Variants in LRRC7 observed in about 807,000 individuals in gnomAD.
LRRC7 encodes the protein leucine rich repeat containing 7.
Under a neutral mutation model 175.7 loss-of-function variants are expected in LRRC7, and 23 were observed. That is an observed-to-expected ratio of 0.13 (90% CI 0.09 to 0.19). LRRC7 has a LOEUF of 0.19. Ranked by LOEUF, LRRC7 falls within the 10% of genes least tolerant of loss-of-function variation. LRRC7 has a pLI of 1.00. For synonymous variants in LRRC7, 685 were observed against 680.9 expected (o/e 1.01, Z -0.09); for missense variants, 1,354 against 1,904.7 (o/e 0.71, Z 5.38).
intron 13 of LRRC7, chr1:70,014,242 T>G (rs957515671): frequency 6.6e-6 from 1 of 151,996 alleles, no homozygotes; most frequent in Non-Finnish European, 1.5e-5. Context: ...GATTAGGAAA[T>G]TCTTGGTATT....
chr1:69,754,027 G>A (rs1218760737), intron 2 of LRRC7, among the ~76,000 whole-genome samples: 1 of 152,030 alleles, frequency 6.6e-6, no homozygotes, highest in Non-Finnish European at 1.5e-5. Context: ...AGCCATAAGT[G>A]TAAAGAGCAC....
At chr1:69,664,220 T>C (rs1290135772) in intron 1 of LRRC7, among the ~76,000 whole-genome samples, 1 of 152,236 alleles carries the variant, frequency 6.6e-6, no homozygotes, top group Non-Finnish European at 1.5e-5. Flanking sequence ...AACACTTAGG[T>C]TGTTTGCAAA....
In LRRC7 at chr1:69,665,684, C is replaced by G. The variant is rs558079097; in HGVS notation, c.3-12697C>G. Among the ~76,000 whole-genome samples, 6 of 151,676 alleles carry G rather than the reference C, an allele frequency of 4.0e-5. No homozygotes were observed. The East Asian group carries it at 7.8e-4, about 20-fold the overall frequency. On this transcript the variant is annotated intron_variant, in intron 1 of 26. Transcript: ENST00000651989. ...TGTATGTTGATTTTGTATCCTACAA[C>G]TTTACTGAATTTGTTTATAAGTTCT... is the stretch of plus-strand genomic sequence containing the variant.
At chr1:70,072,454 C>T (rs1257777515) in intron 23 of LRRC7, among the ~76,000 whole-genome samples, 1 of 152,156 alleles carries the variant, frequency 6.6e-6, no homozygotes, top group Non-Finnish European at 1.5e-5. Context: ...ATTATTGTCC[C>T]TCTAGATGTC....
chr1:69,826,271 G>C (rs1203832546), intron 5 of LRRC7, among the ~76,000 whole-genome samples: 1 of 152,116 alleles, frequency 6.6e-6, no homozygotes, highest in Non-Finnish European at 1.5e-5. Context: ...GAAAGTACTT[G>C]TATACCAGAG....
chr1:69,574,060 A>G (rs1387722979), intron 1 of LRRC7, among the ~76,000 whole-genome samples: 2 of 152,168 alleles, frequency 1.3e-5, no homozygotes, highest in African/African-American at 4.8e-5. Context: ...TAGTATCATA[A>G]CAAATGGCTT....
At position 69,903,928 on chromosome 1, in the gene LRRC7, C is replaced by T. The variant is rs139787946; in HGVS notation, c.648-27579C>T. Among the ~76,000 whole-genome samples, 172 of 152,190 alleles carry T rather than the reference C, an allele frequency of 1.1e-3. 5 individuals are homozygous for T. In the East Asian group the frequency reaches 0.031, roughly 27 times the overall value. ...GAAGAAATGGATAAATTCCTGGATA[C>T]GTACACCCTCCCAAGACTAAACCAG... is the stretch of plus-strand genomic sequence containing the variant. On this transcript the variant is annotated intron_variant, in intron 7 of 26. Transcript: ENST00000651989.
At chr1:69,929,267 A>G (rs564220574) in intron 7 of LRRC7, among the ~76,000 whole-genome samples, 79 of 152,190 alleles carry the variant, frequency 5.2e-4, no homozygotes, top group Non-Finnish European at 9.4e-4. Flanking sequence ...TCTTTCCTAG[A>G]CTCTTTTCTT....
intron 23 of LRRC7, among the ~76,000 whole-genome samples, chr1:70,065,694 T>C (rs1661921315): frequency 6.6e-6 from 1 of 151,916 alleles, no homozygotes; most frequent in African/African-American, 2.4e-5. Context: ...AAAACAAAGA[T>C]GAATCACAGC....
chr1:69,856,782 A>G (rs1214300031), intron 7 of LRRC7, among the ~76,000 whole-genome samples: 4 of 152,212 alleles, frequency 2.6e-5, no homozygotes, highest in African/African-American at 9.6e-5. Context: ...CATCATCCTG[A>G]TACCAAAGCC....
In LRRC7 at chr1:69,980,401, A is replaced by C. The variant is rs1653301426; in HGVS notation, c.734A>C (p.Gln245Pro). Reference sequence around the variant, plus strand: ...CAGCCTGAAGTTCTGGATCAAATACAAAATTTGAGGGAGTTATGGATGGAT... The same window carrying C: ...CAGCCTGAAGTTCTGGATCAAATACCAAATTTGAGGGAGTTATGGATGGAT... ...GELPEVLDQI[Q>P]NLRELWMDNN... The change falls in exon 9 of 27, where the codon CAA (glutamine) becomes CCA (proline). Residue 245 changes from glutamine to proline, a missense_variant. This residue lies in a region of LRRC7 where 201 missense variants were observed against 481.4 expected (regional missense o/e 0.42). Transcript: ENST00000651989. 1 of 1,612,552 alleles carries C rather than the reference A, an allele frequency of 6.2e-7. No individual in the cohort carries two copies. Among genetic ancestry groups the C allele is most frequent in the Non-Finnish European group, 8.5e-7 (1 of 1,179,374 alleles).
At chr1:69,739,363 C>T (rs1052208590) in intron 2 of LRRC7, among the ~76,000 whole-genome samples, 2 of 152,018 alleles carry the variant, frequency 1.3e-5, no homozygotes, top group African/African-American at 4.8e-5. Context: ...AAGGGGCAGC[C>T]ATAGGGCTTT....
chr1:69,644,087 T>C (rs535627275), intron 1 of LRRC7, among the ~76,000 whole-genome samples: 42 of 152,264 alleles, frequency 2.8e-4, no homozygotes, highest in Non-Finnish European at 2.8e-4. Context: ...ATATGGTCTA[T>C]CTTGGAATAT....
At chr1:70,026,439 C>T (rs1031021554) in intron 17 of LRRC7, among the ~76,000 whole-genome samples, 1 of 152,082 alleles carries the variant, frequency 6.6e-6, no homozygotes, top group African/African-American at 2.4e-5. Context: ...TTGTGATTAA[C>T]ATTTCTAATA....
rs1341304094 is a variant in LRRC7 at position 69,781,782 on chromosome 1, AAAGAAAGGAAGG to A, written c.304-10257_304-10246del. On this transcript the variant is annotated intron_variant, in intron 3 of 26. Transcript: ENST00000651989. ...GAGAGAGAGAAAGAAAGAAAGAAAGAAAGAAAGGAAGGAAGGAAGGAAGGAAGGAAGGAAGGA... is the reference window on the plus strand; with the variant it reads ...GAGAGAGAGAAAGAAAGAAAGAAAGAAAGGAAGGAAGGAAGGAAGGAAGGA... 3.0e-3 allele frequency among the ~76,000 whole-genome samples: 169 copies of A among 55,410 alleles called. 6 individuals carry two copies. The highest frequency in any genetic ancestry group is 3.7e-3 in the African/African-American group (42 of 11,500). 36.4% of individuals were successfully genotyped at this position (55,410 alleles called of 152,430 possible). A position where few individuals can be genotyped will look rare whatever the true frequency, so the allele number is the denominator to read the frequency against.
At position 70,126,442 on chromosome 1, in the gene LRRC7, G is replaced by T. The variant is rs1370682971; in HGVS notation, c.*4555G>T. ...GCTTAACTAAATGTTCAAACTCTGG[G>T]TTGGTAATGTGTCCTCTCTTCACAC... is the stretch of plus-strand genomic sequence containing the variant. On this transcript the variant is annotated 3_prime_UTR_variant, in exon 27 of 27. Transcript: ENST00000651989. Among the ~76,000 whole-genome samples, 1 of 152,052 alleles carries T rather than the reference G, an allele frequency of 6.6e-6. No individual in the cohort carries two copies. The highest frequency in any genetic ancestry group is 2.4e-5 in the African/African-American group (1 of 41,380).
intron 13 of LRRC7, among the ~76,000 whole-genome samples, chr1:70,015,667 C>T (rs1405244380): frequency 6.6e-6 from 1 of 152,208 alleles, no homozygotes; most frequent in East Asian, 1.9e-4. Context: ...TACTTTGGCC[C>T]TCCAAAGGCT....
At chr1:70,058,572 A>G (rs1188760509) in intron 23 of LRRC7, among the ~76,000 whole-genome samples, 1 of 152,168 alleles carries the variant, frequency 6.6e-6, no homozygotes, top group Admixed American at 6.5e-5. Flanking sequence ...TAGTCAGAAT[A>G]TTTGGTTTCA....
chr1:70,056,675 GC>G (rs1661178221), intron 23 of LRRC7, among the ~76,000 whole-genome samples: 1 of 152,106 alleles, frequency 6.6e-6, no homozygotes, highest in Admixed American at 6.5e-5. Context: ...CTTTCAACAA[GC>G]CTCATCTTAC....
Sources: gnomAD v4.1 joint callset for allele counts (sites outside exome capture counted in the v4.1 genomes callset) on GRCh38, gnomAD v4.1.1 for gene constraint, gnomAD v4.1.1 regional missense constraint, MANE v1.5 for transcripts, NCBI Gene and HGNC (gene_info 2026-07-23, HGNC 2026-07-21) for gene names.